KIAA0040: variants seen among roughly 807,000 people sequenced by gnomAD.
The protein encoded by KIAA0040 is KIAA0040, also known as uncharacterized protein KIAA0040.
In KIAA0040, 10 loss-of-function variants were observed where a neutral mutation model predicts 7.2. The ratio of observed to expected loss-of-function variants is 1.38; its 90% CI spans 0.85 to 2.34. The LOEUF (loss-of-function observed/expected upper bound fraction) is 2.34, where lower values mean the gene tolerates loss of function less well. Among genes scored for constraint, KIAA0040 ranks in the 30% most tolerant of loss-of-function variants. KIAA0040 has a pLI of 0.00. For missense variants in KIAA0040, 89 were observed against 108.2 expected, an observed-to-expected ratio of 0.82 and a Z score of 0.79; for synonymous variants, 49 against 40.1, an observed-to-expected ratio of 1.22 and a Z score of -0.84.
intron 1 of KIAA0040, among the ~76,000 whole-genome samples, chr1:175,179,551 G>T (rs1360732393): frequency 1.3e-5 from 2 of 152,066 alleles, no homozygotes; most frequent in African/African-American, 4.8e-5. Context: ...GAAAGAAATG[G>T]CTATTTATCT....
chr1:175,175,875 G>A (rs772944598), intron 2 of KIAA0040, among the ~76,000 whole-genome samples: 2 of 152,016 alleles, frequency 1.3e-5, no homozygotes, highest in East Asian at 1.9e-4. Context: ...GGGGCCCATC[G>A]TGGGGTCAGG....
chr1:175,167,570 G>A (rs531489257), intron 2 of KIAA0040, among the ~76,000 whole-genome samples: 66 of 152,312 alleles, frequency 4.3e-4, no homozygotes, highest in Middle Eastern at 3.4e-3. Flanking sequence ...TGAGAGCCAC[G>A]GGGTTTTAAG....
intron 2 of KIAA0040, among the ~76,000 whole-genome samples, chr1:175,177,051 A>G (rs1474122316): frequency 6.6e-6 from 1 of 152,008 alleles, no homozygotes; most frequent in African/African-American, 2.4e-5. Flanking sequence ...GGAGACCTCA[A>G]GGCTTTGTGG....
chr1:175,158,686 G>C lies in KIAA0040; in HGVS notation c.*2028C>G, dbSNP rs1344141919. 2.0e-5 allele frequency: 3 copies of C among 152,290 alleles called. No individual in the cohort carries two copies. The highest frequency in any genetic ancestry group is 7.2e-5 in the African/African-American group (3 of 41,448). 9.4% of individuals were successfully genotyped at this position (152,290 alleles called of 1,614,324 possible). ...AGAGGCCCCATGACAAACTCTCTAT[G>C]TGACAAGGGGATAGAGAACCAGAGT... On this transcript the variant is annotated 3_prime_UTR_variant, in exon 4 of 4. Coordinates refer to ENST00000423313, the MANE Select transcript of KIAA0040 (RefSeq NM_014656.3).
rs2269650 is a variant in KIAA0040 at position 175,160,555 on chromosome 1, G to T, written c.*159C>A. ...AATTGTCCACGTGGTCCCTGGGACT[G>T]CCCTCCACTGGGACACTTAGTCTGA... On this transcript the variant is annotated 3_prime_UTR_variant, in exon 4 of 4. Transcript: ENST00000423313. 0.39 allele frequency: 271,287 copies of T among 701,348 alleles called. 54,272 individuals carry two copies. Among genetic ancestry groups the T allele is most frequent in the Admixed American group, 0.55 (18,079 of 33,140 alleles). The allele number at this position is 701,348 out of a possible 1,614,324, so 43.4% of individuals were successfully genotyped here.
chr1:175,191,881 C>T (rs1040024039), intron 1 of KIAA0040, among the ~76,000 whole-genome samples: 5 of 152,168 alleles, frequency 3.3e-5, no homozygotes, highest in Admixed American at 2.0e-4. Flanking sequence ...TGCTGGCTGC[C>T]GGTGTTCTGT....
chr1:175,185,312 T>C (rs1677614693), intron 1 of KIAA0040, among the ~76,000 whole-genome samples: 1 of 152,094 alleles, frequency 6.6e-6, no homozygotes, highest in Non-Finnish European at 1.5e-5. Context: ...TAAGGGAAAA[T>C]AGGTAAAGTG....
intron 1 of KIAA0040, among the ~76,000 whole-genome samples, chr1:175,178,644 C>T (rs776720219): frequency 2.9e-4 from 44 of 152,116 alleles, no homozygotes; most frequent in Non-Finnish European, 2.9e-4. Context: ...AGTTTCTTCA[C>T]GAACCTTAGA....
intron 1 of KIAA0040, among the ~76,000 whole-genome samples, chr1:175,191,318 G>T (rs1677856806): frequency 6.6e-6 from 1 of 152,216 alleles, no homozygotes; most frequent in South Asian, 2.1e-4. Context: ...TAGTCTTTAG[G>T]GAAGAGGACA....
intron 1 of KIAA0040, among the ~76,000 whole-genome samples, chr1:175,181,964 C>T (rs925391171): frequency 1.3e-5 from 2 of 152,218 alleles, no homozygotes; most frequent in Admixed American, 1.3e-4. Flanking sequence ...TTGCTCCACC[C>T]GACCCCCTCT....
intron 1 of KIAA0040, among the ~76,000 whole-genome samples, chr1:175,181,888 C>T (rs901577005): frequency 7.9e-5 from 12 of 152,178 alleles, no homozygotes; most frequent in African/African-American, 2.7e-4. Flanking sequence ...TCAAAGTGGC[C>T]CGTGCTCCAA....
intron 1 of KIAA0040, among the ~76,000 whole-genome samples, chr1:175,180,388 G>A (rs1214070983): frequency 6.6e-6 from 1 of 152,134 alleles, no homozygotes. Flanking sequence ...CTCATCTAAG[G>A]TCTCATACCT....
chr1:175,188,739 CAG>C (rs1421302963), intron 1 of KIAA0040, among the ~76,000 whole-genome samples: 4 of 152,182 alleles, frequency 2.6e-5, no homozygotes, highest in African/African-American at 4.8e-5. Context: ...ACTGAGGAAA[CAG>C]AAGAGACGAG....
At chr1:175,183,173 A>G (rs1330023263) in intron 1 of KIAA0040, among the ~76,000 whole-genome samples, 14 of 152,128 alleles carry the variant, frequency 9.2e-5, no homozygotes, top group Non-Finnish European at 8.8e-5. Context: ...CTCCCTGACA[A>G]TGCTTGCTCA....
In KIAA0040 at chr1:175,164,537, T is replaced by A. The variant is rs191459155; in HGVS notation, c.-134+2025A>T. Among the ~76,000 whole-genome samples the A allele has an allele frequency of 3.5e-3, 495 of 141,144 alleles. 2 individuals are homozygous for A. Among genetic ancestry groups the A allele is most frequent in the African/African-American group, 0.012 (467 of 39,446 alleles). 92.6% of individuals were successfully genotyped at this position (141,144 alleles called of 152,430 possible). Reference sequence around the variant, plus strand: ...CCAACCTTTGTCTTAAACTCATCCATCCCTTGGCACCTAAAATGGCCTTTG... The same window carrying A: ...CCAACCTTTGTCTTAAACTCATCCAACCCTTGGCACCTAAAATGGCCTTTG... On this transcript the variant is annotated intron_variant, in intron 3 of 3. Coordinates refer to ENST00000423313, the MANE Select transcript of KIAA0040 (RefSeq NM_014656.3).
chr1:175,172,253 G>T (rs898346464), intron 2 of KIAA0040, among the ~76,000 whole-genome samples: 4 of 152,162 alleles, frequency 2.6e-5, no homozygotes, highest in African/African-American at 9.7e-5. Flanking sequence ...TACTAAATGT[G>T]AGTGAATACA....
At chr1:175,169,174 A>G (rs1676887044) in intron 2 of KIAA0040, among the ~76,000 whole-genome samples, 1 of 152,248 alleles carries the variant, frequency 6.6e-6, no homozygotes, top group Admixed American at 6.5e-5. Flanking sequence ...GTTGGTAATG[A>G]TTATTAATTA....
chr1:175,183,865 T>C (rs1677544014), intron 1 of KIAA0040, among the ~76,000 whole-genome samples: 1 of 152,164 alleles, frequency 6.6e-6, no homozygotes, highest in Admixed American at 6.5e-5. Context: ...GAGGGTGGAA[T>C]CTGTGCCTGC....
chr1:175,185,373 A>G (rs1677619087), intron 1 of KIAA0040, among the ~76,000 whole-genome samples: 1 of 152,204 alleles, frequency 6.6e-6, no homozygotes, highest in South Asian at 2.1e-4. Flanking sequence ...TGCTGTTGTT[A>G]GCTGTTGCTT....
Sources: allele counts gnomAD v4.1 joint callset (sites outside exome capture counted in the v4.1 genomes callset), GRCh38; gene constraint gnomAD v4.1.1; transcripts MANE v1.5; gene names NCBI Gene and HGNC (gene_info 2026-07-23, HGNC 2026-07-21).